Variants in HEATR4 observed in about 807,000 individuals in gnomAD.
HEATR4 encodes the protein HEAT repeat-containing protein 4.
In HEATR4, 95 loss-of-function variants were observed where a neutral mutation model predicts 108.8. The observed-to-expected ratio is 0.87, with a 90% CI of 0.74 to 1.04. The LOEUF (loss-of-function observed/expected upper bound fraction) is 1.04. Among genes scored for constraint, HEATR4 ranks in the 50% least tolerant of loss-of-function variants. The pLI is 0.00. For missense variants in HEATR4, 1,152 were observed against 1,253.8 expected, an observed-to-expected ratio of 0.92 and a Z score of 1.23; for synonymous variants, 443 against 459.4, an observed-to-expected ratio of 0.96 and a Z score of 0.46.
the HEATR4 span, among the ~76,000 whole-genome samples, chr14:73,597,769 T>G: frequency 6.6e-6 from 1 of 151,774 alleles, no homozygotes; most frequent in Non-Finnish European, 1.5e-5. Flanking sequence ...AATTTTTGTA[T>G]TTTTAGTAGA....
intron 17 of HEATR4, among the ~76,000 whole-genome samples, chr14:73,487,908 T>C (rs1225535840): frequency 6.6e-6 from 1 of 152,092 alleles, no homozygotes; most frequent in Non-Finnish European, 1.5e-5. Context: ...ATGATATAGG[T>C]AAGCAACAGC....
rs1244043523 is a variant in HEATR4 at position 73,531,464 on chromosome 14, A to T, written c.-151-1220T>A. On this transcript the variant is annotated intron_variant, in intron 1 of 17. Coordinates refer to ENST00000553558, the MANE Select transcript of HEATR4 (RefSeq NM_001220484.1). ...GCGAGGGAGTCTCACTCTGTCGCCC[A>T]GGCTGGAGTGCAGTGGTGTGATCTT... is the stretch of plus-strand genomic sequence containing the variant. Among the ~76,000 whole-genome samples the T allele has an allele frequency of 2.1e-5, 2 of 95,662 alleles. 1 individual carries two copies. Among genetic ancestry groups the T allele is most frequent in the Non-Finnish European group, 4.4e-5 (2 of 45,868 alleles). The allele number at this position is 95,662 out of a possible 152,430, so 62.8% of individuals were successfully genotyped here. A position where few individuals can be genotyped will look rare whatever the true frequency, so the allele number is the denominator to read the frequency against.
At chr14:73,579,255 T>C in the HEATR4 span, among the ~76,000 whole-genome samples, 2 of 75,460 alleles carry the variant, frequency 2.7e-5, no homozygotes, top group African/African-American at 5.6e-5. Flanking sequence ...AAATTCCGTC[T>C]CAAAAAAATT....
chr14:73,569,458 G>C, the HEATR4 span: 1 of 1,613,538 alleles, frequency 6.2e-7, no homozygotes, highest in South Asian at 1.1e-5. Flanking sequence ...GAGCCTGCGG[G>C]CCGCTGCTGC....
chr14:73,630,017 C>A, the HEATR4 span, among the ~76,000 whole-genome samples: 1 of 148,600 alleles, frequency 6.7e-6, no homozygotes, highest in Non-Finnish European at 1.5e-5. Flanking sequence ...GAGCAAGACA[C>A]CATCTCAAAA....
the HEATR4 span, among the ~76,000 whole-genome samples, chr14:73,585,252 T>G: frequency 6.6e-6 from 1 of 152,152 alleles, no homozygotes. Context: ...AGGACAGGCC[T>G]AGGTCAGGGC....
At chr14:73,565,809 G>A in the HEATR4 span, among the ~76,000 whole-genome samples, 1 of 152,044 alleles carries the variant, frequency 6.6e-6, no homozygotes, top group Admixed American at 6.6e-5. Context: ...CAAAGAGTGA[G>A]CAGCAGTAAG....
intron 12 of HEATR4, among the ~76,000 whole-genome samples, chr14:73,499,456 G>T (rs1595094344): frequency 1.3e-5 from 2 of 152,090 alleles, no homozygotes. Context: ...CTCCAGCCTG[G>T]GTGACAGAGC....
At chr14:73,581,749 G>T in the HEATR4 span, 2 of 116,304 alleles carry the variant, frequency 1.7e-5, no homozygotes, top group African/African-American at 6.8e-5. Context: ...TCTGAACCTG[G>T]GGCTTCAGAT....
rs372430555 is a variant in HEATR4 at position 73,506,486 on chromosome 14, A to C, written c.1967T>G (p.Ile656Ser). 81 of 1,613,656 alleles carry C rather than the reference A, an allele frequency of 5.0e-5. 2 individuals are homozygous for C. The East Asian group carries it at 1.8e-3, about 36-fold the overall frequency. Reference protein sequence around the residue: ...RIVACQAFSRISGNVCLDMKH... With the variant: ...RIVACQAFSRSSGNVCLDMKH... The stretch of plus-strand genomic sequence containing the variant: ...GTTTACCAAGCAGACATTTCCACTG[A>C]TCCGGGAGAAAGCCTGGCAGGCCAC... The change falls in exon 10 of 18, where the codon ATC becomes AGC. Residue 656 changes from isoleucine (I) to serine (S), a missense_variant. By Grantham distance (142) the Ile-to-Ser change is moderately radical. Transcript: ENST00000553558.
the HEATR4 span, among the ~76,000 whole-genome samples, chr14:73,604,304 A>G: frequency 6.6e-6 from 1 of 150,940 alleles, no homozygotes; most frequent in Non-Finnish European, 1.5e-5. Context: ...AGCTGGGACT[A>G]CAGGCGCCTG....
intron 8 of HEATR4, 96 bp from the exon 9 acceptor site, chr14:73,508,390 G>A: frequency 1.0e-6 from 1 of 960,712 alleles, no homozygotes; most frequent in East Asian, 2.4e-5. Flanking sequence ...TACCCCACCT[G>A]ATATCTCACT....
intron 7 of HEATR4, among the ~76,000 whole-genome samples, chr14:73,510,588 A>C (rs1386966907): frequency 6.6e-6 from 1 of 152,088 alleles, no homozygotes; most frequent in African/African-American, 2.4e-5. Flanking sequence ...GGCACCTGTC[A>C]CCACGCCTGG....
the HEATR4 span, chr14:73,611,465 G>T: frequency 6.6e-6 from 1 of 152,118 alleles, no homozygotes; most frequent in Non-Finnish European, 1.5e-5. Context: ...TTTAAATCTT[G>T]CCCATGCCTT....
chr14:73,593,928 A>G, the HEATR4 span: 1 of 1,583,772 alleles, frequency 6.3e-7, no homozygotes, highest in Non-Finnish European at 8.6e-7. Flanking sequence ...CCTTTATTTA[A>G]TCAGTCTCTC....
chr14:73,491,338 G>A, intron 17 of HEATR4: 4 of 1,450,708 alleles, frequency 2.8e-6, no homozygotes, highest in South Asian at 2.8e-5. Flanking sequence ...AGCTGCTGGA[G>A]GCCTCGCCCG....
At chr14:73,594,706 T>TTATTTATC in the HEATR4 span, among the ~76,000 whole-genome samples, 950 of 150,934 alleles carry the variant, frequency 6.3e-3, 12 homozygotes, top group African/African-American at 0.021. Context: ...ATTTATTTAT[T>TTATTTATC]TATTTATCTT....
At chr14:73,569,968 A>G in the HEATR4 span, 4 of 1,456,138 alleles carry the variant, frequency 2.7e-6, no homozygotes, top group South Asian at 1.4e-5. Flanking sequence ...GCTTATGTGT[A>G]TGCCCCCCCG....
chr14:73,570,604 T>C, the HEATR4 span, among the ~76,000 whole-genome samples: 1 of 151,050 alleles, frequency 6.6e-6, no homozygotes, highest in Non-Finnish European at 1.5e-5. Context: ...AAAAAGACAC[T>C]TATATTAAAA....
Sources: gnomAD v4.1 joint callset for allele counts (sites outside exome capture counted in the v4.1 genomes callset) on GRCh38, gnomAD v4.1.1 for gene constraint, MANE v1.5 for transcripts, NCBI Gene and HGNC (gene_info 2026-07-23, HGNC 2026-07-21) for gene names.